Variants in ROBO2 observed in about 807,000 individuals in gnomAD.
ROBO2 encodes roundabout guidance receptor 2.
ROBO2 carries 53 observed loss-of-function variants against 160.8 expected under a neutral mutation model. The observed-to-expected ratio is 0.33, with a 90% CI of 0.26 to 0.41. The LOEUF (loss-of-function observed/expected upper bound fraction) is 0.41. ROBO2 is among the 10% of genes least tolerant of loss of function. ROBO2 has a pLI of 1.00. For synonymous variants in ROBO2, 664 were observed against 611.7 expected (o/e 1.09, Z -1.26); for missense variants, 1,577 against 1,722.4 (o/e 0.92, Z 1.49).
intron 5 of ROBO2, among the ~76,000 whole-genome samples, chr3:77,516,986 G>A (rs2090087227): frequency 6.6e-6 from 1 of 151,470 alleles, no homozygotes; most frequent in Admixed American, 6.6e-5. Context: ...TTAGACTTGG[G>A]CTATACAGTT....
At chr3:77,186,033 G>A (rs2081254513) in intron 2 of ROBO2, among the ~76,000 whole-genome samples, 1 of 151,930 alleles carries the variant, frequency 6.6e-6, no homozygotes, top group South Asian at 2.1e-4. Flanking sequence ...TAGGGGGAAA[G>A]GATGGAAAGG....
At chr3:76,180,516 T>G (rs1405986723) in intron 2 of ROBO2, among the ~76,000 whole-genome samples, 1 of 152,152 alleles carries the variant, frequency 6.6e-6, no homozygotes, top group Non-Finnish European at 1.5e-5. Context: ...GTAGAAACTT[T>G]GGTATCTTTG....
chr3:76,547,091 T>C (rs1295570229), intron 2 of ROBO2, among the ~76,000 whole-genome samples: 1 of 151,986 alleles, frequency 6.6e-6, no homozygotes, highest in Non-Finnish European at 1.5e-5. Context: ...AATTTTCCCT[T>C]TTAATTTTCT....
At chr3:76,404,497 G>A (rs1242606348) in intron 2 of ROBO2, among the ~76,000 whole-genome samples, 2 of 151,464 alleles carry the variant, frequency 1.3e-5, no homozygotes, top group South Asian at 2.1e-4. Context: ...TAGGAGGTTT[G>A]GAAGCTTAAG....
chr3:76,020,141 A>C (rs147012655), intron 2 of ROBO2, among the ~76,000 whole-genome samples: 1 of 151,940 alleles, frequency 6.6e-6, no homozygotes, highest in Non-Finnish European at 1.5e-5. Flanking sequence ...TTTCCATTCT[A>C]TATGATGCTT....
At chr3:75,984,560 A>G (rs559676526) in intron 2 of ROBO2, among the ~76,000 whole-genome samples, 1 of 151,562 alleles carries the variant, frequency 6.6e-6, no homozygotes, top group Non-Finnish European at 1.5e-5. Flanking sequence ...TTTTTATACT[A>G]TAGTCATTAA....
At chr3:76,975,494 G>C (rs1420289840) in intron 2 of ROBO2, among the ~76,000 whole-genome samples, 2 of 152,172 alleles carry the variant, frequency 1.3e-5, no homozygotes, top group Non-Finnish European at 2.9e-5. Flanking sequence ...GACAGAGGGA[G>C]ACTGCGACTG....
rs1179633011 is a variant in ROBO2 at position 76,176,592 on chromosome 3, G to T, written c.109+238990G>T. Among the ~76,000 whole-genome samples, 3 of 152,064 alleles carry T rather than the reference G, an allele frequency of 2.0e-5. No homozygotes were observed. The East Asian group carries it at 5.8e-4, about 29-fold the overall frequency. On this transcript the variant is annotated intron_variant, in intron 2 of 26. Transcript: ENST00000487694. ...AAATCAGAAAAGATTTTTCTCTAAG[G>T]TCTAAACAATGGATCTGTTAGGAGG... is the stretch of plus-strand genomic sequence containing the variant.
At chr3:76,504,828 G>A (rs760585194) in intron 2 of ROBO2, among the ~76,000 whole-genome samples, 4 of 152,000 alleles carry the variant, frequency 2.6e-5, no homozygotes, top group Non-Finnish European at 4.4e-5. Context: ...GCACCCAGCC[G>A]AAAATATTCT....
chr3:76,944,798 G>A (rs1212255430), intron 2 of ROBO2, among the ~76,000 whole-genome samples: 3 of 152,088 alleles, frequency 2.0e-5, no homozygotes, highest in African/African-American at 7.2e-5. Flanking sequence ...CACATTGTAA[G>A]GTAAGATGGA....
At chr3:77,454,152 G>A (rs2081385595) in intron 2 of ROBO2, among the ~76,000 whole-genome samples, 1 of 149,266 alleles carries the variant, frequency 6.7e-6, no homozygotes, top group South Asian at 2.1e-4. Context: ...GCCGGTTTAT[G>A]GTACAAATAT....
chr3:76,272,832 T>TATATATTTATATATAA (rs1559705683), intron 2 of ROBO2, among the ~76,000 whole-genome samples: 1 of 38,284 alleles, frequency 2.6e-5, no homozygotes, highest in African/African-American at 8.6e-5. Flanking sequence ...ATATATAAAA[T>TATATATTTATATATAA]ATATATATTA....
intron 2 of ROBO2, among the ~76,000 whole-genome samples, chr3:76,530,238 G>GT (rs1252062585): frequency 6.6e-6 from 1 of 152,168 alleles, no homozygotes; most frequent in Non-Finnish European, 1.5e-5. Flanking sequence ...TTCTTACAAA[G>GT]TAATTTCCCC....
chr3:77,201,831 C>T (rs1369905259), intron 2 of ROBO2, among the ~76,000 whole-genome samples: 2 of 152,084 alleles, frequency 1.3e-5, no homozygotes, highest in African/African-American at 2.4e-5. Flanking sequence ...CTAAAATCTA[C>T]AGTAAGAAAC....
chr3:77,450,805 T>C (rs1159733005), intron 2 of ROBO2, among the ~76,000 whole-genome samples: 4 of 152,050 alleles, frequency 2.6e-5, no homozygotes, highest in Non-Finnish European at 4.4e-5. Context: ...TGTTAGGTAT[T>C]GTATATGCAG....
intron 2 of ROBO2, among the ~76,000 whole-genome samples, chr3:76,152,272 G>T (rs1246836389): frequency 6.6e-6 from 1 of 152,052 alleles, no homozygotes; most frequent in Non-Finnish European, 1.5e-5. Flanking sequence ...TTAACTTGTG[G>T]GTTATAAGTT....
Position 76,348,748 on chromosome 3 carries a change from T to G in ROBO2, c.109+411146T>G, listed in dbSNP as rs574826340. On this transcript the variant is annotated intron_variant, in intron 2 of 26. Coordinates refer to the ROBO2 transcript ENST00000487694. ...GGAGGAATTTATCCACAGAGAAGGTTTGGCAAAGCTCAACTGTTCTTTTCA... is the reference window on the plus strand; with the variant it reads ...GGAGGAATTTATCCACAGAGAAGGTGTGGCAAAGCTCAACTGTTCTTTTCA... 2.6e-5 allele frequency among the ~76,000 whole-genome samples: 4 copies of G among 152,234 alleles called. 1 individual carries two copies. Among genetic ancestry groups the G allele is most frequent in the South Asian group, 2.1e-4 (1 of 4,826 alleles).
chr3:76,979,613 T>TGC (rs1040463661), intron 2 of ROBO2, among the ~76,000 whole-genome samples: 1 of 151,610 alleles, frequency 6.6e-6, no homozygotes, highest in African/African-American at 2.4e-5. Flanking sequence ...TGTGTGTGTG[T>TGC]GCGCAGGTAT....
intron 2 of ROBO2, among the ~76,000 whole-genome samples, chr3:77,280,999 A>G (rs992005696): frequency 6.6e-6 from 1 of 152,206 alleles, no homozygotes; most frequent in Non-Finnish European, 1.5e-5. Flanking sequence ...TATTCCAGGC[A>G]CAAGGAACAG....
Sources: allele counts gnomAD v4.1 joint callset (sites outside exome capture counted in the v4.1 genomes callset), GRCh38; gene constraint gnomAD v4.1.1; transcripts MANE v1.5; gene names NCBI Gene and HGNC (gene_info 2026-07-23, HGNC 2026-07-21).